Variants in DAPK1 observed in about 807,000 individuals in gnomAD.
DAPK1 encodes death-associated protein kinase 1.
Under a neutral mutation model 144.9 loss-of-function variants are expected in DAPK1, and 56 were observed. That is an observed-to-expected ratio of 0.39 (90% CI 0.31 to 0.48). The LOEUF (loss-of-function observed/expected upper bound fraction) is 0.48, where lower values mean the gene tolerates loss of function less well. DAPK1 is among the 20% of genes least tolerant of loss of function. DAPK1 has a pLI of 0.95. For synonymous variants in DAPK1, 690 were observed against 749.0 expected, an observed-to-expected ratio of 0.92 and a Z score of 1.29; for missense variants, 1,454 against 1,875.4, an observed-to-expected ratio of 0.78 and a Z score of 4.15.
intron 2 of DAPK1, among the ~76,000 whole-genome samples, chr9:87,588,126 C>T (rs1827999901): frequency 6.6e-6 from 1 of 152,216 alleles, no homozygotes; most frequent in African/African-American, 2.4e-5. Context: ...AAAGCAAGCC[C>T]TCTGCCTCCA....
chr9:87,639,342 CT>C lies in DAPK1; in HGVS notation c.424-5del. On this transcript the variant is annotated splice_polypyrimidine_tract_variant and intron_variant, in intron 4 of 25. Transcript: ENST00000408954. ...ATCATAGCTTTTTATTTATCTCTCT[CT>C]TTTTTTCAAGCCTGAGAACATAATG... is the stretch of plus-strand genomic sequence containing the variant. The C allele has an allele frequency of 2.5e-6, 4 of 1,584,522 alleles. No individual in the cohort carries two copies. Among genetic ancestry groups the C allele is most frequent in the Non-Finnish European group, 2.6e-6 (3 of 1,170,568 alleles).
chr9:87,526,951 G>C (rs1478828355), intron 2 of DAPK1, among the ~76,000 whole-genome samples: 1 of 152,196 alleles, frequency 6.6e-6, no homozygotes, highest in Non-Finnish European at 1.5e-5. Context: ...TTGGAGGATT[G>C]TAAGACAGAA....
intron 2 of DAPK1, among the ~76,000 whole-genome samples, chr9:87,564,495 G>T (rs1324462124): frequency 6.6e-6 from 1 of 152,020 alleles, no homozygotes; most frequent in African/African-American, 2.4e-5. Flanking sequence ...GGTGCTGGAG[G>T]CTGGGAGGTC....
chr9:87,609,027 A>T (rs4878108), intron 3 of DAPK1, among the ~76,000 whole-genome samples: 32,789 of 152,190 alleles, frequency 0.22, 3,741 homozygotes, highest in East Asian at 0.4. Flanking sequence ...ATAAAGCAGA[A>T]CACATTCGGG....
intron 2 of DAPK1, chr9:87,525,359 T>C: frequency 6.2e-7 from 1 of 1,611,352 alleles, no homozygotes; most frequent in Non-Finnish European, 8.5e-7. Flanking sequence ...GGGTTCTCGC[T>C]CTTGTTGCGT....
Position 87,639,776 on chromosome 9 carries a change from G to T in DAPK1, c.603-13G>T, listed in dbSNP as rs200837532. The T allele has an allele frequency of 7.4e-6, 12 of 1,613,450 alleles. No individual in the cohort carries two copies. Among genetic ancestry groups the T allele is most frequent in the African/African-American group, 2.7e-5 (2 of 74,848 alleles). On this transcript the variant is annotated splice_polypyrimidine_tract_variant and intron_variant, in intron 6 of 25. Coordinates refer to ENST00000408954, the MANE Select transcript of DAPK1 (RefSeq NM_004938.4). Reference sequence around the variant, plus strand: ...TCTGACATGTTTTTTTGTTTGTTTTGTGTTGTTTTTAGGAGTATCGGGGTA... The same window carrying T: ...TCTGACATGTTTTTTTGTTTGTTTTTTGTTGTTTTTAGGAGTATCGGGGTA...
intron 19 of DAPK1, among the ~76,000 whole-genome samples, chr9:87,678,193 C>T (rs1414761883): frequency 6.6e-6 from 1 of 152,208 alleles, no homozygotes; most frequent in Non-Finnish European, 1.5e-5. Flanking sequence ...CAGCATTTTA[C>T]AACACACCTT....
At chr9:87,537,185 A>T (rs910644485) in intron 2 of DAPK1, among the ~76,000 whole-genome samples, 7 of 151,968 alleles carry the variant, frequency 4.6e-5, no homozygotes, top group African/African-American at 1.7e-4. Context: ...CCAGGGTTTC[A>T]CTATGTTGGC....
chr9:87,548,977 G>A (rs1826371357), intron 2 of DAPK1, among the ~76,000 whole-genome samples: 1 of 131,440 alleles, frequency 7.6e-6, no homozygotes, highest in African/African-American at 3.0e-5. Flanking sequence ...ACATTTGCAG[G>A]ATGTACAGGT....
intron 19 of DAPK1, among the ~76,000 whole-genome samples, chr9:87,670,546 G>A (rs967587121): frequency 6.6e-6 from 1 of 152,134 alleles, no homozygotes; most frequent in African/African-American, 2.4e-5. Flanking sequence ...GCTTGGTCAG[G>A]TGTGCTCAGG....
chr9:87,553,036 A>G (rs113761222), intron 2 of DAPK1, among the ~76,000 whole-genome samples: 3 of 152,342 alleles, frequency 2.0e-5, no homozygotes, highest in Admixed American at 6.5e-5. Flanking sequence ...TCCATTAAAT[A>G]CTAACTACAT....
Position 87,510,013 on chromosome 9 carries a change from G to A in DAPK1, c.62+10874G>A, listed in dbSNP as rs1824770399. On this transcript the variant is annotated intron_variant, in intron 2 of 25. Transcript: ENST00000408954. ...AATATATTTACAGTTCGCCCATTTA[G>A]AATCGATAAGGGTGTGCCCCAGGCT... 7.2e-5 allele frequency among the ~76,000 whole-genome samples: 11 copies of A among 152,332 alleles called. No homozygotes were observed. The South Asian group carries it at 2.3e-3, about 32-fold the overall frequency.
chr9:87,581,386 G>C (rs1454489605), intron 2 of DAPK1, among the ~76,000 whole-genome samples: 4 of 151,746 alleles, frequency 2.6e-5, no homozygotes, highest in Admixed American at 2.6e-4. Flanking sequence ...ACTCTGGTTT[G>C]CCTGAGTACA....
At chr9:87,618,299 A>G (rs890111562) in intron 3 of DAPK1, among the ~76,000 whole-genome samples, 1 of 152,224 alleles carries the variant, frequency 6.6e-6, no homozygotes, top group Non-Finnish European at 1.5e-5. Context: ...TGGTGGGGAT[A>G]TGGAGAAATT....
intron 2 of DAPK1, among the ~76,000 whole-genome samples, chr9:87,567,705 T>C (rs1703938096): frequency 6.6e-6 from 1 of 152,120 alleles, no homozygotes; most frequent in South Asian, 2.1e-4. Context: ...ATGGAGTTGT[T>C]GCACTCATAG....
chr9:87,630,585 G>A (rs1370996151), intron 3 of DAPK1, among the ~76,000 whole-genome samples: 1 of 152,176 alleles, frequency 6.6e-6, no homozygotes, highest in Non-Finnish European at 1.5e-5. Flanking sequence ...TTTGGGGACC[G>A]CATCTGAAAT....
At chr9:87,505,640 C>A (rs575592558) in intron 2 of DAPK1, among the ~76,000 whole-genome samples, 2 of 151,784 alleles carry the variant, frequency 1.3e-5, no homozygotes, top group East Asian at 3.9e-4. Flanking sequence ...CGTGAGTCAC[C>A]CTCCTCGGCC....
intron 2 of DAPK1, among the ~76,000 whole-genome samples, chr9:87,527,989 C>T (rs1417583864): frequency 6.6e-6 from 1 of 152,210 alleles, no homozygotes; most frequent in African/African-American, 2.4e-5. Context: ...CTTTTGATTG[C>T]ACACATGCAT....
intron 2 of DAPK1, among the ~76,000 whole-genome samples, chr9:87,561,695 G>A (rs576769657): frequency 5.2e-4 from 79 of 152,282 alleles, no homozygotes; most frequent in African/African-American, 1.8e-3. Context: ...GATAGGCATT[G>A]CATTTGGGTG....
Sources: allele counts gnomAD v4.1 joint callset (sites outside exome capture counted in the v4.1 genomes callset), GRCh38; gene constraint gnomAD v4.1.1; transcripts MANE v1.5; gene names NCBI Gene and HGNC (gene_info 2026-07-23, HGNC 2026-07-21).